The following EPHA5 variants were observed in gnomAD, a reference collection of about 807,000 sequenced individuals.
EPHA5 encodes EPH receptor A5.
Under a neutral mutation model 105.0 loss-of-function variants are expected in EPHA5, and 60 were observed. The ratio of observed to expected loss-of-function variants is 0.57; its 90% CI spans 0.46 to 0.71. The LOEUF is 0.71. EPHA5 is among the 30% of genes least tolerant of loss of function. The pLI is 0.00. For synonymous variants in EPHA5, 513 were observed against 449.1 expected, an observed-to-expected ratio of 1.14 and a Z score of -1.80; for missense variants, 1,218 against 1,274.7, an observed-to-expected ratio of 0.96 and a Z score of 0.68.
chr4:65,635,772 AC>A (rs1189247393), intron 2 of EPHA5, among the ~76,000 whole-genome samples: 1 of 152,196 alleles, frequency 6.6e-6, no homozygotes, highest in Non-Finnish European at 1.5e-5. Context: ...ATTAATCAAT[AC>A]AAAATGTTCC....
At chr4:65,550,093 C>T (rs1263485419) in intron 3 of EPHA5, among the ~76,000 whole-genome samples, 4 of 151,338 alleles carry the variant, frequency 2.6e-5, no homozygotes, top group African/African-American at 9.7e-5. Flanking sequence ...TTTTTCAAAG[C>T]ATAAAAAGAT....
chr4:65,506,800 A>G (rs993502636), intron 3 of EPHA5, among the ~76,000 whole-genome samples: 1 of 151,882 alleles, frequency 6.6e-6, no homozygotes, highest in Admixed American at 6.6e-5. Context: ...AGATGCAAAA[A>G]TTTTCTCCCA....
intron 4 of EPHA5, among the ~76,000 whole-genome samples, chr4:65,492,848 G>A (rs185839993): frequency 1.7e-4 from 26 of 152,204 alleles, no homozygotes; most frequent in African/African-American, 5.5e-4. Flanking sequence ...GGAAATACAC[G>A]TGTTCTTGTT....
intron 7 of EPHA5, among the ~76,000 whole-genome samples, chr4:65,411,123 ATAAAAT>A (rs796502453): frequency 7.3e-4 from 111 of 152,174 alleles, no homozygotes; most frequent in African/African-American, 1.9e-3. Flanking sequence ...TTTATGCATG[ATAAAAT>A]TAAAATGAAG....
At chr4:65,478,699 T>C (rs1730068281) in intron 5 of EPHA5, among the ~76,000 whole-genome samples, 2 of 152,210 alleles carry the variant, frequency 1.3e-5, no homozygotes, top group East Asian at 1.9e-4. Context: ...CTCAAACTCC[T>C]GGCCTCAAGT....
intron 5 of EPHA5, among the ~76,000 whole-genome samples, chr4:65,475,078 C>T (rs1729660027): frequency 6.6e-6 from 1 of 152,104 alleles, no homozygotes; most frequent in Non-Finnish European, 1.5e-5. Flanking sequence ...ACAAGTCAAT[C>T]TATATTGTCA....
chr4:65,660,610 T>C (rs1158686018), intron 1 of EPHA5, among the ~76,000 whole-genome samples: 2 of 152,088 alleles, frequency 1.3e-5, no homozygotes, highest in Non-Finnish European at 2.9e-5. Flanking sequence ...CACAGCAACC[T>C]TTTGGATGTA....
intron 3 of EPHA5, chr4:65,573,977 A>C: frequency 6.3e-7 from 1 of 1,588,512 alleles, no homozygotes; most frequent in Non-Finnish European, 8.6e-7. Context: ...CTAGTGGCTT[A>C]TTACTTGTGA....
At chr4:65,506,998 A>C (rs1733098605) in intron 3 of EPHA5, among the ~76,000 whole-genome samples, 1 of 151,880 alleles carries the variant, frequency 6.6e-6, no homozygotes. Flanking sequence ...CTATGGTTTT[A>C]GGTCTAACAT....
At chr4:65,344,452 T>A (rs886529776) in intron 14 of EPHA5, among the ~76,000 whole-genome samples, 7 of 152,192 alleles carry the variant, frequency 4.6e-5, no homozygotes, top group Non-Finnish European at 1.0e-4. Flanking sequence ...GTATTAGGCA[T>A]CATTCCTTAT....
intron 5 of EPHA5, among the ~76,000 whole-genome samples, chr4:65,436,252 T>C (rs1357937572): frequency 6.6e-6 from 1 of 151,988 alleles, no homozygotes; most frequent in African/African-American, 2.4e-5. Context: ...TACAAATGGA[T>C]GATTTGTATT....
At position 65,670,176 on chromosome 4, in the gene EPHA5, T is replaced by A; in HGVS notation, c.-434A>T. 4.1e-6 allele frequency: 1 copy of A among 244,822 alleles called. No homozygotes were observed. The highest frequency in any genetic ancestry group is 7.9e-6 in the Non-Finnish European group (1 of 127,252). The allele number at this position is 244,822 out of a possible 1,614,324, so 15.2% of individuals were successfully genotyped here. On this transcript the variant is annotated 5_prime_UTR_variant, in exon 1 of 17. Coordinates refer to ENST00000613740, the MANE Select transcript of EPHA5 (RefSeq NM_001281766.3). ...ATCATTTTAAGACGAAATCTCCGAT[T>A]TTTTAAAAAAGGAGGAAAAAAGCAG...
At chr4:65,640,994 C>A (rs979906475) in intron 2 of EPHA5, among the ~76,000 whole-genome samples, 7 of 152,148 alleles carry the variant, frequency 4.6e-5, no homozygotes, top group African/African-American at 9.7e-5. Flanking sequence ...AAAAATCAGA[C>A]AATTGCCTCT....
intron 15 of EPHA5, among the ~76,000 whole-genome samples, chr4:65,333,570 T>C (rs1046833262): frequency 1.9e-5 from 2 of 104,376 alleles, no homozygotes; most frequent in Admixed American, 2.0e-4. Context: ...TGTGTGTGTG[T>C]GTGTGTGTGC....
intron 3 of EPHA5, among the ~76,000 whole-genome samples, chr4:65,515,981 G>A (rs143756759): frequency 6.6e-6 from 1 of 152,072 alleles, no homozygotes; most frequent in African/African-American, 2.4e-5. Context: ...CAGGCCTTTG[G>A]ACTTGGAGTA....
chr4:65,607,178 G>C (rs1290058683), intron 2 of EPHA5, among the ~76,000 whole-genome samples: 1 of 150,766 alleles, frequency 6.6e-6, no homozygotes, highest in Non-Finnish European at 1.5e-5. Context: ...CTAACTCACT[G>C]ATGTTTTTTT....
intron 1 of EPHA5, among the ~76,000 whole-genome samples, chr4:65,650,677 C>A (rs1213199899): frequency 6.6e-6 from 1 of 151,986 alleles, no homozygotes; most frequent in Admixed American, 6.6e-5. Flanking sequence ...CTGATTCTAA[C>A]ACAATGATAA....
chr4:65,569,798 A>AAGGGTAT (rs975146407), intron 3 of EPHA5, among the ~76,000 whole-genome samples: 2 of 151,746 alleles, frequency 1.3e-5, no homozygotes, highest in Non-Finnish European at 3.0e-5. Context: ...GAACTTAGTT[A>AAGGGTAT]AGGGTATAGT....
At chr4:65,337,634 G>C (rs1475272797) in intron 14 of EPHA5, among the ~76,000 whole-genome samples, 1 of 151,874 alleles carries the variant, frequency 6.6e-6, no homozygotes, top group African/African-American at 2.4e-5. Flanking sequence ...CATTTCTGAG[G>C]GTAGAAAATG....
Sources: allele counts gnomAD v4.1 joint callset (sites outside exome capture counted in the v4.1 genomes callset), GRCh38; gene constraint gnomAD v4.1.1; transcripts MANE v1.5; gene names NCBI Gene and HGNC (gene_info 2026-07-23, HGNC 2026-07-21).